SVEP1: variants seen among roughly 807,000 people sequenced by gnomAD.
SVEP1 encodes the protein sushi, von Willebrand factor type A, EGF and pentraxin domain-containing protein 1.
SVEP1 carries 164 observed loss-of-function variants against 367.3 expected under a neutral mutation model. That is an observed-to-expected ratio of 0.45 (90% CI 0.39 to 0.51). The LOEUF (loss-of-function observed/expected upper bound fraction) is 0.51, where lower values mean the gene tolerates loss of function less well. Ranked by LOEUF, SVEP1 falls within the 20% of genes least tolerant of loss-of-function variation. The pLI, the probability that SVEP1 is intolerant of heterozygous loss-of-function variation, is 0.00. For missense variants in SVEP1, 4,117 were observed against 4,425.3 expected, an observed-to-expected ratio of 0.93 and a Z score of 1.98; for synonymous variants, 1,666 against 1,611.6, an observed-to-expected ratio of 1.03 and a Z score of -0.81.
At chr9:110,562,386 T>C (rs1004847642) in intron 1 of SVEP1, among the ~76,000 whole-genome samples, 1 of 152,188 alleles carries the variant, frequency 6.6e-6, no homozygotes, top group Non-Finnish European at 1.5e-5. Context: ...TCAGTTGACA[T>C]GTTAAATTCC....
intron 23 of SVEP1, among the ~76,000 whole-genome samples, chr9:110,450,619 A>AC (rs1004876490): frequency 6.6e-6 from 1 of 150,552 alleles, no homozygotes; most frequent in Non-Finnish European, 1.5e-5. Context: ...ACAGGCACCC[A>AC]CCACCACACC....
intron 6 of SVEP1, among the ~76,000 whole-genome samples, chr9:110,501,681 C>T (rs1350232181): frequency 6.6e-6 from 1 of 152,086 alleles, no homozygotes; most frequent in African/African-American, 2.4e-5. Flanking sequence ...TAAGTGGCTG[C>T]AGATTTCAGA....
intron 12 of SVEP1, among the ~76,000 whole-genome samples, chr9:110,480,735 G>A (rs74514462): frequency 0.16 from 24,379 of 151,694 alleles, 2,599 homozygotes; most frequent in East Asian, 0.43. Context: ...GGGCTCAAGC[G>A]ACTTTCCCAA....
intron 25 of SVEP1, among the ~76,000 whole-genome samples, chr9:110,446,392 G>A (rs1004803864): frequency 3.3e-5 from 5 of 152,194 alleles, no homozygotes; most frequent in Non-Finnish European, 7.3e-5. Flanking sequence ...TGTCACAGGA[G>A]AGAAGGAGGA....
intron 17 of SVEP1, 143 bp from the exon 18 acceptor site, chr9:110,466,169 T>G (rs1293739333): frequency 2.5e-6 from 2 of 811,212 alleles, no homozygotes; most frequent in East Asian, 5.4e-5. Flanking sequence ...TCCTGTTAGC[T>G]AAGCATACGC....
intron 1 of SVEP1, among the ~76,000 whole-genome samples, chr9:110,551,589 G>A (rs1170383022): frequency 2.6e-5 from 4 of 152,166 alleles, no homozygotes; most frequent in Non-Finnish European, 4.4e-5. Flanking sequence ...TGGCTTCTGC[G>A]ACGGAGTAGC....
chr9:110,461,632 T>C (rs76775218), intron 18 of SVEP1, among the ~76,000 whole-genome samples: 1,607 of 152,264 alleles, frequency 0.011, 29 homozygotes, highest in African/African-American at 0.036. Context: ...TCTCAAGACA[T>C]GTAGATCAAA....
chr9:110,449,877 G>C (rs367820686), intron 24 of SVEP1, among the ~76,000 whole-genome samples, 182 bp downstream of exon 24: 77 of 152,198 alleles, frequency 5.1e-4, no homozygotes, highest in African/African-American at 1.8e-3. Context: ...TAAAATGATA[G>C]GCTCTACTTC....
At chr9:110,400,511 T>A (rs1827841326) in intron 40 of SVEP1, among the ~76,000 whole-genome samples, 1 of 151,966 alleles carries the variant, frequency 6.6e-6, no homozygotes, top group African/African-American at 2.4e-5. Flanking sequence ...GAATTACAGG[T>A]GCCTGCCACC....
intron 5 of SVEP1, among the ~76,000 whole-genome samples, chr9:110,506,032 T>C (rs1227023596): frequency 3.9e-5 from 6 of 152,190 alleles, no homozygotes; most frequent in Non-Finnish European, 7.3e-5. Context: ...TATATTCTCA[T>C]TGTTTAACTC....
chr9:110,486,103 T>A (rs1829272900), intron 9 of SVEP1, among the ~76,000 whole-genome samples: 1 of 151,620 alleles, frequency 6.6e-6, no homozygotes, highest in African/African-American at 2.4e-5. Flanking sequence ...CTATAACAGG[T>A]GCTCAAACAA....
In SVEP1 at chr9:110,411,492, T is replaced by G; in HGVS notation, c.6219A>C (p.Gln2073His). The G allele has an allele frequency of 6.2e-7, 1 of 1,614,056 alleles. No individual in the cohort carries two copies. The highest frequency in any genetic ancestry group is 8.5e-7 in the Non-Finnish European group (1 of 1,179,908). ...AQGKWVPPEG[Q>H]DMPRCIAHFC... ...AATGAGCTATACAACGGGGCATGTCTTGACCTTCTGGGGGTACCCACTTGC... is the reference window on the plus strand; with the variant it reads ...AATGAGCTATACAACGGGGCATGTCGTGACCTTCTGGGGGTACCCACTTGC... The change falls in exon 37 of 48, where the codon CAA becomes CAC. Residue 2073 changes from glutamine to histidine, a missense_variant. Physicochemically the swap from Gln to His is conservative, Grantham distance 24. Coordinates refer to ENST00000374469, the MANE Select transcript of SVEP1 (RefSeq NM_153366.4).
At chr9:110,502,397 C>T (rs975826915) in intron 6 of SVEP1, among the ~76,000 whole-genome samples, 3 of 151,976 alleles carry the variant, frequency 2.0e-5, no homozygotes, top group Admixed American at 6.5e-5. Context: ...CCACCTTGCC[C>T]GGCCAGAAAA....
intron 1 of SVEP1, among the ~76,000 whole-genome samples, chr9:110,575,054 T>A (rs1278940325): frequency 6.6e-6 from 1 of 152,180 alleles, no homozygotes; most frequent in Non-Finnish European, 1.5e-5. Context: ...CGAGTCCAGC[T>A]GACCTTCTTT....
At chr9:110,503,845 T>TGG (rs1829579538) in intron 5 of SVEP1, among the ~76,000 whole-genome samples, 1 of 152,082 alleles carries the variant, frequency 6.6e-6, no homozygotes, top group Non-Finnish European at 1.5e-5. Flanking sequence ...ATCAGTTTAT[T>TGG]TTTGCTGCTG....
At chr9:110,459,760 T>C (rs1828829619) in intron 18 of SVEP1, among the ~76,000 whole-genome samples, 1 of 152,162 alleles carries the variant, frequency 6.6e-6, no homozygotes, top group Non-Finnish European at 1.5e-5. Context: ...TTTCACTACA[T>C]GCTCTTCAGC....
intron 18 of SVEP1, among the ~76,000 whole-genome samples, chr9:110,464,155 T>C (rs999283515): frequency 1.3e-5 from 2 of 152,182 alleles, no homozygotes; most frequent in Non-Finnish European, 2.9e-5. Context: ...TTATTTCTTA[T>C]ATTGACAAAA....
chr9:110,478,470 C>G lies in SVEP1; in HGVS notation c.2487+1165G>C, dbSNP rs572751360. 2.0e-5 allele frequency among the ~76,000 whole-genome samples: 3 copies of G among 152,210 alleles called. No individual in the cohort carries two copies. In the East Asian group the frequency reaches 5.8e-4, roughly 29 times the overall value. On this transcript the variant is annotated intron_variant, in intron 13 of 47. Coordinates refer to ENST00000374469, the MANE Select transcript of SVEP1 (RefSeq NM_153366.4). The stretch of plus-strand genomic sequence containing the variant: ...CCTATTCCCTTATAGCACCTTTAAC[C>G]TGCTACAATTTAGTGTCTGATAGAC...
chr9:110,443,995 C>G (rs1461744597), intron 26 of SVEP1, among the ~76,000 whole-genome samples: 1 of 152,052 alleles, frequency 6.6e-6, no homozygotes, highest in African/African-American at 2.4e-5. Context: ...AGAAGTTGCT[C>G]CAATTTGAGA....
Sources: allele counts gnomAD v4.1 joint callset (sites outside exome capture counted in the v4.1 genomes callset), GRCh38; gene constraint gnomAD v4.1.1; transcripts MANE v1.5; gene names NCBI Gene and HGNC (gene_info 2026-07-23, HGNC 2026-07-21).